Variants in SNX9 observed in about 807,000 individuals in gnomAD.
SNX9 encodes sorting nexin-9.
In SNX9, 44 loss-of-function variants were observed where a neutral mutation model predicts 89.4. The ratio of observed to expected loss-of-function variants is 0.49; its 90% CI spans 0.39 to 0.63. The LOEUF is 0.63. Ranked by LOEUF, SNX9 falls within the 30% of genes least tolerant of loss-of-function variation. The probability of loss-of-function intolerance (pLI) is 0.00; values close to 1 mark genes in which losing one functional copy is unlikely to be tolerated. For missense variants in SNX9, 578 were observed against 736.1 expected (o/e 0.79, Z 2.49); for synonymous variants, 236 against 247.8 (o/e 0.95, Z 0.45).
intron 12 of SNX9, among the ~76,000 whole-genome samples, chr6:157,931,653 T>C (rs1171271030): frequency 6.6e-6 from 1 of 152,246 alleles, no homozygotes; most frequent in Non-Finnish European, 1.5e-5. Context: ...TGTATTTTTC[T>C]CCATACCTTG....
intron 1 of SNX9, among the ~76,000 whole-genome samples, chr6:157,835,241 G>A (rs1191628017): frequency 6.6e-6 from 1 of 152,038 alleles, no homozygotes; most frequent in African/African-American, 2.4e-5. Flanking sequence ...TCAAACTCCT[G>A]ACACCAAGTG....
chr6:157,907,475 G>A (rs769813335), intron 7 of SNX9, among the ~76,000 whole-genome samples: 14 of 152,078 alleles, frequency 9.2e-5, no homozygotes, highest in African/African-American at 1.7e-4. Flanking sequence ...TAGTAGAGAC[G>A]GGGTTTCACC....
At chr6:157,833,596 G>A (rs6907235) in intron 1 of SNX9, among the ~76,000 whole-genome samples, 3,753 of 152,214 alleles carry the variant, frequency 0.025, 161 homozygotes, top group African/African-American at 0.086. Flanking sequence ...TGAATCTGAA[G>A]GTGTTACAAA....
Position 157,921,523 on chromosome 6 carries a change from G to C in SNX9, c.950-8G>C. 6.2e-7 allele frequency: 1 copy of C among 1,611,394 alleles called. No individual in the cohort carries two copies. Among genetic ancestry groups the C allele is most frequent in the South Asian group, 1.1e-5 (1 of 90,920 alleles). On this transcript the variant is annotated splice_polypyrimidine_tract_variant and splice_region_variant and intron_variant, in intron 9 of 17. Coordinates refer to ENST00000392185, the MANE Select transcript of SNX9 (RefSeq NM_016224.5). Reference sequence around the variant, plus strand: ...AGTTGTATGTCATTCTTGGTGTGTCGCTTGCAGGCCGCTTTGAAGAGGAAT... The same window carrying C: ...AGTTGTATGTCATTCTTGGTGTGTCCCTTGCAGGCCGCTTTGAAGAGGAAT...
intron 8 of SNX9, 27 bp downstream of exon 8, chr6:157,909,817 A>G (rs367640659): frequency 3.1e-5 from 50 of 1,613,066 alleles, no homozygotes; most frequent in Non-Finnish European, 3.7e-5. Flanking sequence ...TCAAAAGCAG[A>G]ATCATGTTTG....
chr6:157,840,490 T>C (rs951726647), intron 1 of SNX9, among the ~76,000 whole-genome samples: 3 of 151,232 alleles, frequency 2.0e-5, no homozygotes, highest in East Asian at 1.9e-4. Flanking sequence ...CTCTCTCTCT[T>C]TCTTTCTCTT....
chr6:157,851,613 G>A (rs1015914754), intron 1 of SNX9, among the ~76,000 whole-genome samples: 3 of 151,936 alleles, frequency 2.0e-5, no homozygotes, highest in East Asian at 1.9e-4. Flanking sequence ...TTTTTGAAAC[G>A]GAGCCTCACT....
At chr6:157,874,946 G>T in intron 3 of SNX9, 105 bp from the exon 4 acceptor site, 1 of 1,286,536 alleles carries the variant, frequency 7.8e-7, no homozygotes, top group Non-Finnish European at 1.1e-6. Context: ...GAAATTTGTA[G>T]CATTGAAGAA....
At chr6:157,911,112 CAAATAAATAAAT>C (rs3838669) in intron 9 of SNX9, among the ~76,000 whole-genome samples, 10 of 150,618 alleles carry the variant, frequency 6.6e-5, no homozygotes, top group African/African-American at 2.2e-4. Context: ...GACTCTGTCT[CAAATAAATAAAT>C]AAATAAATAA....
chr6:157,929,670 G>A (rs1317772888), intron 12 of SNX9, among the ~76,000 whole-genome samples: 3 of 152,134 alleles, frequency 2.0e-5, no homozygotes, highest in African/African-American at 4.8e-5. Context: ...ATCAGCCTTT[G>A]ATGCTCAGCA....
intron 2 of SNX9, among the ~76,000 whole-genome samples, chr6:157,871,400 G>A (rs746791785): frequency 6.6e-6 from 1 of 151,910 alleles, no homozygotes; most frequent in Non-Finnish European, 1.5e-5. Flanking sequence ...AAAATCACTG[G>A]GTAGAAAAAG....
intron 4 of SNX9, among the ~76,000 whole-genome samples, chr6:157,888,052 G>A (rs1782774110): frequency 7.3e-6 from 1 of 136,874 alleles, no homozygotes; most frequent in African/African-American, 3.1e-5. Flanking sequence ...GCACACACCG[G>A]GAGACATTGT....
chr6:157,935,826 C>A, intron 13 of SNX9, 138 bp from the exon 14 acceptor site: 1 of 635,390 alleles, frequency 1.6e-6, no homozygotes, highest in Non-Finnish European at 2.6e-6. Flanking sequence ...GATGGGCATT[C>A]ATTCTATTCC....
At chr6:157,877,669 C>G (rs1469768141) in intron 4 of SNX9, among the ~76,000 whole-genome samples, 2 of 152,130 alleles carry the variant, frequency 1.3e-5, no homozygotes, top group African/African-American at 4.8e-5. Flanking sequence ...TGCCTGTGCT[C>G]TCTCCCAGGG....
chr6:157,874,814 C>T (rs1782484575), intron 3 of SNX9: 1 of 373,102 alleles, frequency 2.7e-6, no homozygotes, highest in Admixed American at 4.6e-5. Flanking sequence ...GAACAATCCA[C>T]TTCTAAATAA....
At chr6:157,854,084 C>T (rs374431717) in intron 1 of SNX9, among the ~76,000 whole-genome samples, 12 of 152,232 alleles carry the variant, frequency 7.9e-5, no homozygotes, top group Non-Finnish European at 1.8e-4. Flanking sequence ...TAAATACACA[C>T]ACTGGTGAGG....
chr6:157,865,651 G>A (rs951022861), intron 1 of SNX9, among the ~76,000 whole-genome samples: 13 of 152,230 alleles, frequency 8.5e-5, no homozygotes, highest in African/African-American at 1.2e-4. Flanking sequence ...CCACCATCTA[G>A]ATTCAGTACC....
At chr6:157,875,979 CGTTAAAAAAAAA>C (rs1782510626) in intron 4 of SNX9, among the ~76,000 whole-genome samples, 1 of 148,430 alleles carries the variant, frequency 6.7e-6, no homozygotes, top group Admixed American at 6.7e-5. Flanking sequence ...CATCTCCACA[CGTTAAAAAAAAA>C]GTTAAAAAAA....
intron 1 of SNX9, among the ~76,000 whole-genome samples, chr6:157,849,281 G>C (rs1035290559): frequency 6.6e-6 from 1 of 152,206 alleles, no homozygotes; most frequent in African/African-American, 2.4e-5. Flanking sequence ...GAGATAACAG[G>C]CATAAACTGG....
Sources: allele counts gnomAD v4.1 joint callset (sites outside exome capture counted in the v4.1 genomes callset), GRCh38; gene constraint gnomAD v4.1.1; transcripts MANE v1.5; gene names NCBI Gene and HGNC (gene_info 2026-07-23, HGNC 2026-07-21).